Variants in KANK1 observed in about 807,000 individuals in gnomAD.
The protein encoded by KANK1 is KN motif and ankyrin repeat domains 1, also known as KN motif and ankyrin repeat domain-containing protein 1.
In KANK1, 109 loss-of-function variants were observed where a neutral mutation model predicts 106.2. That is an observed-to-expected ratio of 1.03 (90% CI 0.88 to 1.20). KANK1 has a LOEUF of 1.20. Ranked by LOEUF, KANK1 falls within the 50% of genes most tolerant of loss-of-function variation. The probability of loss-of-function intolerance (pLI) is 0.00; values close to 1 mark genes in which losing one functional copy is unlikely to be tolerated. For missense variants in KANK1, 2,399 were observed against 1,710.7 expected (o/e 1.40, Z -7.10); for synonymous variants, 873 against 652.2 (o/e 1.34, Z -5.16).
chr9:495,235 C>G (rs1034648184), intron 3 of KANK1: 4 of 152,222 alleles, frequency 2.6e-5, no homozygotes, highest in African/African-American at 7.2e-5. Flanking sequence ...CCTTCTCTTT[C>G]AGCATTCTCC....
chr9:595,671 A>G (rs891967174), intron 1 of KANK1, among the ~76,000 whole-genome samples: 1 of 151,746 alleles, frequency 6.6e-6, no homozygotes, highest in Non-Finnish European at 1.5e-5. Context: ...GACTGCAGGA[A>G]TGCACCACCA....
intron 1 of KANK1, among the ~76,000 whole-genome samples, chr9:624,805 CAAACAA>C (rs1316192255): frequency 6.6e-6 from 1 of 150,566 alleles, no homozygotes; most frequent in Non-Finnish European, 1.5e-5. Flanking sequence ...TCTCAAAAAA[CAAACAA>C]AAACAATATC....
intron 5 of KANK1, 168 bp downstream of exon 5, chr9:731,434 G>C (rs1331353265): frequency 1.9e-6 from 1 of 513,772 alleles, no homozygotes; most frequent in Non-Finnish European, 3.5e-6. Flanking sequence ...TCCTCCTCTG[G>C]TGCTGTCTTT....
At chr9:487,062 A>G (rs923982762) in intron 3 of KANK1, among the ~76,000 whole-genome samples, 1 of 152,224 alleles carries the variant, frequency 6.6e-6, no homozygotes, top group Non-Finnish European at 1.5e-5. Context: ...ATTTTTATGT[A>G]GAAGAAAGAT....
chr9:494,048 A>C (rs1399400887), intron 3 of KANK1, among the ~76,000 whole-genome samples: 2 of 150,780 alleles, frequency 1.3e-5, no homozygotes, highest in Non-Finnish European at 3.0e-5. Context: ...ATGCCCCACT[A>C]ATTTTTGTAT....
chr9:579,148 A>C (rs1821358324), intron 1 of KANK1, among the ~76,000 whole-genome samples: 1 of 152,126 alleles, frequency 6.6e-6, no homozygotes, highest in Admixed American at 6.5e-5. Flanking sequence ...AGGTCTAGTA[A>C]CTGGGGAGGT....
chr9:638,792 T>C (rs1837719829), intron 1 of KANK1, among the ~76,000 whole-genome samples: 1 of 152,206 alleles, frequency 6.6e-6, no homozygotes, highest in Admixed American at 6.5e-5. Context: ...TATGGAAATT[T>C]TCTCTTCTAT....
intron 3 of KANK1, among the ~76,000 whole-genome samples, chr9:486,283 G>A (rs1404539373): frequency 6.6e-6 from 1 of 152,186 alleles, no homozygotes; most frequent in Non-Finnish European, 1.5e-5. Flanking sequence ...GGAGAAGTCC[G>A]TGTAACTCTG....
chr9:632,242 C>G (rs568495057), intron 1 of KANK1, among the ~76,000 whole-genome samples: 16 of 152,044 alleles, frequency 1.1e-4, no homozygotes, highest in Non-Finnish European at 4.4e-5. Flanking sequence ...ATTTTCTTGG[C>G]CAAAAATATT....
intron 1 of KANK1, among the ~76,000 whole-genome samples, chr9:578,288 G>A (rs1821126713): frequency 6.6e-6 from 1 of 151,954 alleles, no homozygotes; most frequent in African/African-American, 2.4e-5. Context: ...AAGTAAGGAA[G>A]TATGATTTGG....
chr9:710,615 C>CAAAAAAAAAAAAAAAAAA, intron 2 of KANK1, among the ~76,000 whole-genome samples, 189 bp from the exon 3 acceptor site: 1 of 36,054 alleles, frequency 2.8e-5, no homozygotes, highest in East Asian at 6.0e-4. Flanking sequence ...TGACCTGTCT[C>CAAAAAAAAAAAAAAAAAA]AAAAAAAAAA....
intron 1 of KANK1, among the ~76,000 whole-genome samples, chr9:559,835 T>C (rs929964958): frequency 1.3e-4 from 20 of 152,314 alleles, no homozygotes; most frequent in Admixed American, 3.9e-4. Flanking sequence ...CCCAGTCTTA[T>C]CTTTGTTATG....
chr9:645,704 A>C (rs1027984882), intron 1 of KANK1, among the ~76,000 whole-genome samples: 9 of 150,750 alleles, frequency 6.0e-5, no homozygotes, highest in Non-Finnish European at 1.2e-4. Context: ...CAACGTGGTG[A>C]AACCCCATTT....
chr9:635,466 CT>C (rs977786707), intron 1 of KANK1, among the ~76,000 whole-genome samples: 5 of 152,116 alleles, frequency 3.3e-5, no homozygotes, highest in African/African-American at 1.2e-4. Context: ...TTGTGCAAAC[CT>C]TTTCCCCAAA....
chr9:611,725 C>G (rs894782872), intron 1 of KANK1, among the ~76,000 whole-genome samples: 4 of 152,122 alleles, frequency 2.6e-5, no homozygotes, highest in African/African-American at 9.7e-5. Context: ...GACCATCTAA[C>G]TCTTTTTTTT....
At chr9:734,687 G>C in intron 6 of KANK1, 61 bp from the exon 7 acceptor site, 1 of 1,242,264 alleles carries the variant, frequency 8.0e-7, no homozygotes, top group Non-Finnish European at 1.2e-6. Context: ...TAGATATTTG[G>C]GTTGAAATAA....
chr9:671,623 A>AAAAAAAAAAAAAAAAGAAG (rs79437342), intron 1 of KANK1, among the ~76,000 whole-genome samples: 29 of 103,614 alleles, frequency 2.8e-4, no homozygotes, highest in Middle Eastern at 6.3e-3. Flanking sequence ...CTCAAAAAAA[A>AAAAAAAAAAAAAAAAGAAG]AAAAGAGTGT....
Position 727,322 on chromosome 9 carries a change from A to G in KANK1, c.2699-2729A>G, listed in dbSNP as rs1030736201. ...TAGAAAAAATGGCAAATCCAAGGAA[A>G]TTTTTTTTTTTTTATTAGAGTCTCG... On this transcript the variant is annotated intron_variant, in intron 3 of 11. Transcript: ENST00000382297. Among the ~76,000 whole-genome samples, 57 of 147,930 alleles carry G rather than the reference A, an allele frequency of 3.9e-4. 1 individual carries two copies. The highest frequency in any genetic ancestry group is 1.4e-3 in the African/African-American group (56 of 40,462).
Position 711,285 on chromosome 9 carries a change from G to C in KANK1, c.519G>C (p.Gln173His). 6.2e-7 allele frequency: 1 copy of C among 1,614,188 alleles called. No homozygotes were observed. The highest frequency in any genetic ancestry group is 8.5e-7 in the Non-Finnish European group (1 of 1,180,044). The change falls in exon 3 of 12, where the codon CAG (glutamine) becomes CAC (histidine). Residue 173 changes from glutamine to histidine, a missense_variant. Coordinates refer to ENST00000382297, the MANE Select transcript of KANK1 (RefSeq NM_015158.5). ...TGGAACAGGAGAGAGCCACCATGCA[G>C]ATGACACCGGGTGAGTTCAGAAGGC... ...RRLEQERATM[Q>H]MTPGEFRRPR...
Sources: gnomAD v4.1 joint callset for allele counts (sites outside exome capture counted in the v4.1 genomes callset) on GRCh38, gnomAD v4.1.1 for gene constraint, MANE v1.5 for transcripts, NCBI Gene and HGNC (gene_info 2026-07-23, HGNC 2026-07-21) for gene names.